Variants in PARP1 observed in about 807,000 individuals in gnomAD.
PARP1 encodes the protein poly [ADP-ribose] polymerase 1.
Under a neutral mutation model 118.7 loss-of-function variants are expected in PARP1, and 44 were observed. That is an observed-to-expected ratio of 0.37 (90% confidence interval 0.29 to 0.48). The LOEUF (loss-of-function observed/expected upper bound fraction) is 0.48. PARP1 is among the 20% of genes least tolerant of loss of function. The probability of loss-of-function intolerance (pLI) is 0.99; values close to 1 mark genes in which losing one functional copy is unlikely to be tolerated. For synonymous variants in PARP1, 492 were observed against 483.2 expected, an observed-to-expected ratio of 1.02 and a Z score of -0.24; for missense variants, 1,100 against 1,272.4, an observed-to-expected ratio of 0.86 and a Z score of 2.06.
chr1:226,374,546 C>T (rs762064102), intron 13 of PARP1, among the ~76,000 whole-genome samples, 192 bp from the exon 14 acceptor site: 8 of 152,196 alleles, frequency 5.3e-5, no homozygotes, highest in Non-Finnish European at 1.0e-4. Context: ...ATGGGTCAGA[C>T]TCTTCCTGTG....
At chr1:226,374,975 A>G (rs553679636) in intron 13 of PARP1, among the ~76,000 whole-genome samples, 1 of 152,352 alleles carries the variant, frequency 6.6e-6, no homozygotes, top group East Asian at 1.9e-4. Context: ...AACCCAGGTT[A>G]TATCAAGATC....
chr1:226,407,999 G>A lies in PARP1; in HGVS notation c.-70C>T, dbSNP rs1665187239. ...CCTAGAAACACGCTGCCGCCTCGCC[G>A]CCTCGCGTGCGCTCACCCAGCCGCA... On this transcript the variant is annotated 5_prime_UTR_variant, in exon 1 of 23. Transcript: ENST00000366794. The A allele has an allele frequency of 2.5e-6, 4 of 1,598,688 alleles. No homozygotes were observed. Among genetic ancestry groups the A allele is most frequent in the Admixed American group, 3.5e-5 (2 of 57,924 alleles).
At chr1:226,400,121 G>C (rs577967888) in intron 2 of PARP1, among the ~76,000 whole-genome samples, 2 of 152,164 alleles carry the variant, frequency 1.3e-5, no homozygotes, top group South Asian at 4.2e-4. Context: ...CCTCTCAATG[G>C]GGGAGATGAA....
At chr1:226,363,305 G>T in intron 20 of PARP1, 145 bp from the exon 21 acceptor site, 1 of 712,048 alleles carries the variant, frequency 1.4e-6, no homozygotes. Context: ...GCTCCCTCCT[G>T]AGTTTCTGGA....
chr1:226,395,606 C>A (rs1205354358), intron 2 of PARP1, among the ~76,000 whole-genome samples: 1 of 152,080 alleles, frequency 6.6e-6, no homozygotes, highest in Admixed American at 6.5e-5. Flanking sequence ...GATTGCACCA[C>A]TGCACTCCAG....
rs559694681 is a variant in PARP1 at position 226,388,982 on chromosome 1, T to C, written c.618-227A>G. Among the ~76,000 whole-genome samples the C allele has an allele frequency of 1.4e-4, 22 of 151,764 alleles. 1 individual carries two copies. The South Asian group carries it at 4.2e-3, about 29-fold the overall frequency. On this transcript the variant is annotated intron_variant, in intron 4 of 22. Coordinates refer to ENST00000366794, the MANE Select transcript of PARP1 (RefSeq NM_001618.4). ...AGAAGACACCATCCAATTCAGAACA[T>C]ACTCTCCCAGCCAGGGAGAGGGGCT...
At chr1:226,372,835 C>T (rs1445692232) in intron 14 of PARP1, among the ~76,000 whole-genome samples, 4 of 152,150 alleles carry the variant, frequency 2.6e-5, no homozygotes, top group African/African-American at 4.8e-5. Flanking sequence ...GTGAATGAAA[C>T]GAGCCCCTCT....
At chr1:226,401,725 T>C (rs1665041722) in intron 2 of PARP1, among the ~76,000 whole-genome samples, 1 of 152,250 alleles carries the variant, frequency 6.6e-6, no homozygotes, top group South Asian at 2.1e-4. Flanking sequence ...GAAACTACTC[T>C]GTATGATACT....
intron 13 of PARP1, among the ~76,000 whole-genome samples, chr1:226,375,688 C>T (rs3219099): frequency 0.99 from 150,759 of 152,356 alleles, 74,621 homozygotes; most frequent in East Asian, 1. Context: ...TTTGGATATA[C>T]GGGGTTAAAT....
At chr1:226,394,428 A>G (rs1418183627) in intron 2 of PARP1, among the ~76,000 whole-genome samples, 1 of 152,234 alleles carries the variant, frequency 6.6e-6, no homozygotes, top group Non-Finnish European at 1.5e-5. Flanking sequence ...CTGGTATAGT[A>G]TGTGCAATTG....
chr1:226,394,211 C>A (rs913739634), intron 2 of PARP1, among the ~76,000 whole-genome samples: 1 of 152,088 alleles, frequency 6.6e-6, no homozygotes, highest in African/African-American at 2.4e-5. Context: ...AACAACCAAA[C>A]CCCAGCATGG....
chr1:226,370,689 A>C, intron 14 of PARP1, 172 bp from the exon 15 acceptor site: 1 of 666,528 alleles, frequency 1.5e-6, no homozygotes, highest in Non-Finnish European at 2.8e-6. Flanking sequence ...CCACCCCACC[A>C]TGAGGGATGG....
chr1:226,392,060 A>C (rs141091102), intron 3 of PARP1, 139 bp downstream of exon 3: 1 of 733,138 alleles, frequency 1.4e-6, no homozygotes, highest in Non-Finnish European at 2.5e-6. Flanking sequence ...GGTCAATACT[A>C]ATGTCTTCAC....
rs199849757 is a variant in PARP1, at chr1:226,361,295, G to C, written c.*165C>G. On this transcript the variant is annotated 3_prime_UTR_variant, in exon 23 of 23. Coordinates refer to ENST00000366794, the MANE Select transcript of PARP1 (RefSeq NM_001618.4). The stretch of plus-strand genomic sequence containing the variant: ...AGACACAACACAAAACAAGGGACTT[G>C]AGAAGTTAGAGAAAACCTTTAACAC... 3 of 689,292 alleles carry C rather than the reference G, an allele frequency of 4.4e-6. No homozygotes were observed. The highest frequency in any genetic ancestry group is 1.8e-5 in the African/African-American group (1 of 56,354). The allele number at this position is 689,292 out of a possible 1,614,324, so 42.7% of individuals were successfully genotyped here. A position where few individuals can be genotyped will look rare whatever the true frequency, so the allele number is the denominator to read the frequency against.
At chr1:226,368,148 G>T (rs771652608) in intron 16 of PARP1, 51 bp downstream of exon 16, 3 of 1,611,996 alleles carry the variant, frequency 1.9e-6, no homozygotes, top group Non-Finnish European at 2.5e-6. Flanking sequence ...CTGCAAGGTA[G>T]TCACACCCCA....
At chr1:226,374,743 G>A (rs1394754434) in intron 13 of PARP1, among the ~76,000 whole-genome samples, 1 of 152,238 alleles carries the variant, frequency 6.6e-6, no homozygotes, top group Non-Finnish European at 1.5e-5. Context: ...ACATGAAACT[G>A]ATGGACAAAT....
chr1:226,396,826 G>C (rs542229190), intron 2 of PARP1, among the ~76,000 whole-genome samples: 10 of 152,130 alleles, frequency 6.6e-5, no homozygotes, highest in African/African-American at 2.2e-4. Context: ...CCAGCAACCC[G>C]GGAGGCAGAG....
At chr1:226,377,807 T>C (rs1664522608) in intron 12 of PARP1, among the ~76,000 whole-genome samples, 1 of 152,164 alleles carries the variant, frequency 6.6e-6, no homozygotes, top group African/African-American at 2.4e-5. Context: ...TCCATCTCAA[T>C]TGAGGGTACA....
At chr1:226,386,517 C>T in intron 5 of PARP1, 75 bp from the exon 6 acceptor site, 1 of 936,712 alleles carries the variant, frequency 1.1e-6, no homozygotes, top group South Asian at 1.3e-5. Context: ...GAGCCCTGGT[C>T]ATGCTGAGCC....
Sources: gnomAD v4.1 joint callset for allele counts (sites outside exome capture counted in the v4.1 genomes callset) on GRCh38, gnomAD v4.1.1 for gene constraint, MANE v1.5 for transcripts, NCBI Gene and HGNC (gene_info 2026-07-23, HGNC 2026-07-21) for gene names.